The following TIA1 variants were observed in gnomAD, a reference collection of about 807,000 sequenced individuals.
TIA1 encodes the protein TIA1 cytotoxic granule associated RNA binding protein, also known as cytotoxic granule associated RNA binding protein TIA1.
TIA1 carries 23 observed loss-of-function variants against 65.9 expected under a neutral mutation model. The ratio of observed to expected loss-of-function variants is 0.35; its 90% confidence interval spans 0.25 to 0.49. The LOEUF (loss-of-function observed/expected upper bound fraction) is 0.49. TIA1 is among the 20% of genes least tolerant of loss of function. The pLI, the probability that TIA1 is intolerant of heterozygous loss-of-function variation, is 0.98. For missense variants in TIA1, 371 were observed against 477.9 expected (o/e 0.78, Z 2.09); for synonymous variants, 147 against 149.4 (o/e 0.98, Z 0.12).
At position 70,241,342 on chromosome 2, in the gene TIA1, C is replaced by T. The variant is rs891912026; in HGVS notation, c.27-5167G>A. The stretch of plus-strand genomic sequence containing the variant: ...CTGTAGTTTCAGCTACTAGGGAGGC[C>T]GAGGCAGGAGAATCGCTTGAACCCA... On this transcript the variant is annotated intron_variant, in intron 1 of 12. Coordinates refer to ENST00000433529, the MANE Select transcript of TIA1 (RefSeq NM_022173.4). Among the ~76,000 whole-genome samples, 5 of 151,462 alleles carry T rather than the reference C, an allele frequency of 3.3e-5. No homozygotes were observed. The East Asian group carries it at 7.8e-4, about 24-fold the overall frequency.
At position 70,248,424 on chromosome 2, in the gene TIA1, C is replaced by T. The variant is rs777926752; in HGVS notation, c.7G>A (p.Asp3Asn). The T allele has an allele frequency of 5.0e-6, 8 of 1,600,628 alleles. No individual in the cohort carries two copies. The East Asian group carries it at 1.3e-4, about 27-fold the overall frequency. ME[D>N]EMPKTLYVGN... ...ACTCACAGAGTCTTGGGCATCTCGT[C>T]CTCCATGGCTGCTGCTGTCGCGGCG... The change falls in exon 1 of 13, where the codon GAC becomes AAC. Residue 3 changes from aspartate (D) to asparagine (N), a missense_variant. By Grantham distance (23) the Asp-to-Asn change is conservative. Coordinates refer to ENST00000433529, the MANE Select transcript of TIA1 (RefSeq NM_022173.4).
intron 2 of TIA1, among the ~76,000 whole-genome samples, chr2:70,234,523 G>A (rs1396312179): frequency 6.6e-6 from 1 of 152,192 alleles, no homozygotes; most frequent in African/African-American, 2.4e-5. Flanking sequence ...ACAAAGGTCT[G>A]ACAACATTTT....
chr2:70,217,471 C>G (rs1002928639), intron 7 of TIA1, among the ~76,000 whole-genome samples: 1 of 151,952 alleles, frequency 6.6e-6, no homozygotes, highest in Non-Finnish European at 1.5e-5. Flanking sequence ...GATCTCGGCT[C>G]ACTGCAAGCT....
chr2:70,239,515 T>C (rs1029815896), intron 1 of TIA1, among the ~76,000 whole-genome samples: 3 of 152,200 alleles, frequency 2.0e-5, no homozygotes, highest in African/African-American at 4.8e-5. Flanking sequence ...AGAATGGTAG[T>C]TTCTCATTTG....
rs116621885 is a variant in TIA1, at chr2:70,212,810, T to C, written c.1070A>G (p.Asn357Ser). Residue 357 changes from asparagine (N) to serine (S), a missense_variant, in exon 13 of 13, where the codon AAT becomes AGT. Physicochemically the swap from Asn to Ser is conservative, Grantham distance 46. Transcript: ENST00000433529. ...TQSSAPWMGP[N>S]YGVQPPQGQN... ...CCCTTGAGGCGGTTGCACTCCATAA[T>C]TTGGTCCCATCCATGGTGCAGAAGA... 11,659 of 1,613,982 alleles carry C rather than the reference T, an allele frequency of 7.2e-3. 76 individuals are homozygous for C. The highest frequency in any genetic ancestry group is 9.6e-3 in the South Asian group (875 of 91,068).
At chr2:70,229,234 A>C (rs772653580) in intron 4 of TIA1, 30 bp downstream of exon 4, 1 of 1,613,010 alleles carries the variant, frequency 6.2e-7, no homozygotes, top group South Asian at 1.1e-5. Flanking sequence ...CAATAAAAAC[A>C]AATGTTCAAA....
chr2:70,222,056 A>C (rs140446951), intron 7 of TIA1, among the ~76,000 whole-genome samples: 3,537 of 152,264 alleles, frequency 0.023, 144 homozygotes, highest in African/African-American at 0.081. Flanking sequence ...CTGGGATTAC[A>C]GGTGTGAGCC....
At chr2:70,221,021 T>A (rs1289993245) in intron 7 of TIA1, among the ~76,000 whole-genome samples, 2 of 151,852 alleles carry the variant, frequency 1.3e-5, no homozygotes. Context: ...ATATATATAT[T>A]TTTGAGACGG....
intron 1 of TIA1, among the ~76,000 whole-genome samples, chr2:70,238,078 G>A (rs976594499): frequency 2.7e-5 from 4 of 150,402 alleles, no homozygotes; most frequent in Admixed American, 6.6e-5. Flanking sequence ...GGAGAACGGC[G>A]TGAACCTGGG....
intron 7 of TIA1, among the ~76,000 whole-genome samples, chr2:70,221,992 C>G (rs539978230): frequency 6.6e-6 from 1 of 152,126 alleles, no homozygotes; most frequent in Admixed American, 6.6e-5. Flanking sequence ...TTTGCCCAGG[C>G]TGCTCTCAAA....
At chr2:70,229,362 G>T in intron 3 of TIA1, 44 bp from the exon 4 acceptor site, 1 of 1,520,596 alleles carries the variant, frequency 6.6e-7, no homozygotes, top group Non-Finnish European at 9.0e-7. Context: ...CAAAAATAAA[G>T]CCCAAAATCA....
intron 1 of TIA1, among the ~76,000 whole-genome samples, chr2:70,247,072 G>A (rs1417871434): frequency 2.6e-5 from 4 of 152,136 alleles, no homozygotes; most frequent in African/African-American, 4.8e-5. Context: ...AGAGGCAAGA[G>A]GGAAGAGATT....
chr2:70,219,402 T>C (rs920723639), intron 7 of TIA1, among the ~76,000 whole-genome samples: 1 of 152,210 alleles, frequency 6.6e-6, no homozygotes, highest in African/African-American at 2.4e-5. Flanking sequence ...AGTGTAACTT[T>C]TGTGTGCACA....
intron 1 of TIA1, 36 bp downstream of exon 1, chr2:70,248,369 A>G: frequency 6.3e-7 from 1 of 1,595,572 alleles, no homozygotes; most frequent in Non-Finnish European, 8.5e-7. Flanking sequence ...CGGGACGACC[A>G]CCATCCCGCC....
At chr2:70,218,677 C>T (rs1679809709) in intron 7 of TIA1, among the ~76,000 whole-genome samples, 1 of 152,202 alleles carries the variant, frequency 6.6e-6, no homozygotes, top group African/African-American at 2.4e-5. Flanking sequence ...TCGTGATCCG[C>T]CTGCCTTGGC....
chr2:70,227,722 TTC>T lies in TIA1; in HGVS notation c.398+11_398+12del, dbSNP rs774191937. ...TCTAATTAAAAGGATTTTATTTATC[TTC>T]TGTTACTTACGATATTCTTCCAAAT... On this transcript the variant is annotated intron_variant, in intron 6 of 12. Transcript: ENST00000433529. 26 of 1,538,992 alleles carry T rather than the reference TTC, an allele frequency of 1.7e-5. No homozygotes were observed. Among genetic ancestry groups the T allele is most frequent in the Non-Finnish European group, 2.3e-5 (26 of 1,127,410 alleles).
chr2:70,220,894 G>T lies in TIA1; in HGVS notation c.474+3660C>A, dbSNP rs79605578. On this transcript the variant is annotated intron_variant, in intron 7 of 12. Coordinates refer to ENST00000433529, the MANE Select transcript of TIA1 (RefSeq NM_022173.4). ...TAAGAGATACTAGATGGCCAGGAAC[G>T]GTGCCTCATGCCTATAACCCCACCA... is the stretch of plus-strand genomic sequence containing the variant. 6.9e-3 allele frequency among the ~76,000 whole-genome samples: 1,039 copies of T among 151,642 alleles called. 13 individuals carry two copies. The highest frequency in any genetic ancestry group is 0.024 in the African/African-American group (1,005 of 41,328).
At chr2:70,221,242 T>G (rs1368510507) in intron 7 of TIA1, among the ~76,000 whole-genome samples, 1 of 151,960 alleles carries the variant, frequency 6.6e-6, no homozygotes, top group Non-Finnish European at 1.5e-5. Flanking sequence ...TCTGACCTCA[T>G]GATCTGCTTG....
chr2:70,218,438 A>G (rs932027525), intron 7 of TIA1, among the ~76,000 whole-genome samples: 4 of 152,132 alleles, frequency 2.6e-5, no homozygotes, highest in Non-Finnish European at 5.9e-5. Flanking sequence ...TAAGAAGGCC[A>G]TTCTTTTTTT....
Sources: allele counts gnomAD v4.1 joint callset (sites outside exome capture counted in the v4.1 genomes callset), GRCh38; gene constraint gnomAD v4.1.1; transcripts MANE v1.5; gene names NCBI Gene and HGNC (gene_info 2026-07-23, HGNC 2026-07-21).